Variants in DMC1 observed in about 807,000 individuals in gnomAD.
DMC1 encodes the protein DNA meiotic recombinase 1, also known as meiotic recombination protein DMC1 homolog.
A neutral mutation model predicts 50.1 loss-of-function variants in DMC1; 27 were observed. The ratio of observed to expected loss-of-function variants is 0.54; its 90% confidence interval spans 0.40 to 0.74. DMC1 has a LOEUF of 0.74. DMC1 is among the 30% of genes least tolerant of loss of function. DMC1 has a pLI of 0.00. For synonymous variants in DMC1, 148 were observed against 136.1 expected, an observed-to-expected ratio of 1.09 and a Z score of -0.61; for missense variants, 295 against 420.2, an observed-to-expected ratio of 0.70 and a Z score of 2.60.
chr22:38,523,112 C>T (rs2090047381), intron 12 of DMC1, among the ~76,000 whole-genome samples: 1 of 152,148 alleles, frequency 6.6e-6, no homozygotes, highest in Non-Finnish European at 1.5e-5. Flanking sequence ...AATGCAAATG[C>T]AGCAGGTCCA....
intron 6 of DMC1, among the ~76,000 whole-genome samples, chr22:38,553,306 G>A (rs2090433189): frequency 6.7e-6 from 1 of 148,172 alleles, no homozygotes; most frequent in Admixed American, 6.7e-5. Context: ...AGACCATCCT[G>A]GCTAACACTG....
intron 6 of DMC1, among the ~76,000 whole-genome samples, chr22:38,554,443 G>GA (rs540883900): frequency 0.04 from 2,052 of 51,890 alleles, 39 homozygotes; most frequent in African/African-American, 0.083. Flanking sequence ...CAAGTCAACA[G>GA]AAAAAAAAAA....
intron 7 of DMC1, 60 bp downstream of exon 7, chr22:38,552,606 G>A: frequency 8.7e-7 from 1 of 1,145,748 alleles, no homozygotes; most frequent in Non-Finnish European, 1.3e-6. Context: ...CAGGCACATA[G>A]TAGATGTTTG....
chr22:38,550,548 G>A (rs1377135126), intron 7 of DMC1, among the ~76,000 whole-genome samples: 4 of 150,746 alleles, frequency 2.7e-5, no homozygotes, highest in Non-Finnish European at 4.4e-5. Flanking sequence ...TCCTGACCTC[G>A]TGATCTGCCC....
At chr22:38,535,194 G>T (rs1393793167) in intron 12 of DMC1, among the ~76,000 whole-genome samples, 1 of 151,984 alleles carries the variant, frequency 6.6e-6, no homozygotes, top group Non-Finnish European at 1.5e-5. Context: ...AGCTACTCAG[G>T]AGGCTGAGGC....
downstream of DMC1, among the ~76,000 whole-genome samples, chr22:38,516,733 T>G (rs747300563): frequency 7.2e-5 from 11 of 151,978 alleles, no homozygotes; most frequent in Non-Finnish European, 1.6e-4. Context: ...AACACTGGGA[T>G]GGGGGAGAGC....
At chr22:38,565,998 C>T (rs569364137) in intron 4 of DMC1, among the ~76,000 whole-genome samples, 4 of 152,166 alleles carry the variant, frequency 2.6e-5, no homozygotes, top group Admixed American at 6.5e-5. Flanking sequence ...AAATGAAGGC[C>T]GAGCATGGTG....
At chr22:38,515,237 G>A (rs1365780878), downstream of DMC1, among the ~76,000 whole-genome samples, 1 of 151,098 alleles carries the variant, frequency 6.6e-6, no homozygotes, top group Non-Finnish European at 1.5e-5. Flanking sequence ...CAGCACTTTG[G>A]GAGGCCGAGG....
At chr22:38,564,615 A>T (rs1046151519) in intron 4 of DMC1, among the ~76,000 whole-genome samples, 1 of 152,162 alleles carries the variant, frequency 6.6e-6, no homozygotes, top group Non-Finnish European at 1.5e-5. Flanking sequence ...CTGGCCTGAT[A>T]CCCGTCTCTT....
chr22:38,566,870 A>G (rs1362619704), intron 3 of DMC1, 134 bp from the exon 4 acceptor site: 1 of 843,976 alleles, frequency 1.2e-6, no homozygotes, highest in Non-Finnish European at 1.9e-6. Flanking sequence ...GGTGGAACCC[A>G]CCCACCATGT....
intron 7 of DMC1, among the ~76,000 whole-genome samples, chr22:38,550,648 T>C (rs1449466226): frequency 7.0e-6 from 1 of 143,842 alleles, no homozygotes. Flanking sequence ...GTCACAAATA[T>C]GGCCGGGCAT....
intron 7 of DMC1, among the ~76,000 whole-genome samples, chr22:38,550,561 C>T (rs923335215): frequency 2.0e-5 from 3 of 150,840 alleles, no homozygotes; most frequent in African/African-American, 7.3e-5. Flanking sequence ...ATCTGCCCAC[C>T]TCGGCCTCCC....
At chr22:38,563,824 C>T (rs1168762793) in intron 4 of DMC1, among the ~76,000 whole-genome samples, 13 of 152,022 alleles carry the variant, frequency 8.6e-5, no homozygotes, top group African/African-American at 3.1e-4. Context: ...CTCAGCCTCC[C>T]GAGTAGCTGG....
chr22:38,538,118 T>C (rs1458309709), intron 11 of DMC1, among the ~76,000 whole-genome samples, 177 bp downstream of exon 11: 1 of 151,852 alleles, frequency 6.6e-6, no homozygotes, highest in African/African-American at 2.4e-5. Flanking sequence ...CACTCCAGCC[T>C]GGGCAACAGA....
chr22:38,563,384 G>GCCCA (rs1460122499), intron 4 of DMC1, among the ~76,000 whole-genome samples: 1 of 152,274 alleles, frequency 6.6e-6, no homozygotes, highest in East Asian at 1.9e-4. Flanking sequence ...GGACAGCCAA[G>GCCCA]CCCAGGTCCT....
chr22:38,557,950 A>G (rs1226675058), intron 5 of DMC1, among the ~76,000 whole-genome samples: 1 of 122,064 alleles, frequency 8.2e-6, no homozygotes, highest in Non-Finnish European at 1.8e-5. Context: ...ATAATTAGAC[A>G]AAGTTCTTTT....
intron 12 of DMC1, among the ~76,000 whole-genome samples, chr22:38,536,159 T>C (rs1602729791): frequency 6.6e-6 from 1 of 151,514 alleles, no homozygotes; most frequent in South Asian, 2.1e-4. Context: ...GAGGTTGCAG[T>C]GAGCAGAGAT....
chr22:38,521,602 A>G lies in DMC1; in HGVS notation c.953+6T>C. On this transcript the variant is annotated splice_donor_region_variant and intron_variant, in intron 13 of 13. Transcript: ENST00000216024. The stretch of plus-strand genomic sequence containing the variant: ...ACACACACACACAAAATAAAAAAAA[A>G]TTTACCTGTCATAAATCTTGGCAAT... 6.3e-7 allele frequency: 1 copy of G among 1,587,334 alleles called. No individual in the cohort carries two copies. The highest frequency in any genetic ancestry group is 1.1e-5 in the South Asian group (1 of 90,586).
At chr22:38,520,372 A>AT (rs58563189) in intron 13 of DMC1, among the ~76,000 whole-genome samples, 9,202 of 147,184 alleles carry the variant, frequency 0.063, 580 homozygotes, top group African/African-American at 0.16. Flanking sequence ...ATTTATTTTA[A>AT]TTTTTTTTTT....
Sources: allele counts gnomAD v4.1 joint callset (sites outside exome capture counted in the v4.1 genomes callset), GRCh38; gene constraint gnomAD v4.1.1; transcripts MANE v1.5; gene names NCBI Gene and HGNC (gene_info 2026-07-23, HGNC 2026-07-21).